Variants in DTWD2 observed in about 807,000 individuals in gnomAD.
The protein encoded by DTWD2 is DTW motif tRNA-uridine aminocarboxypropyltransferase 2, also known as tRNA-uridine aminocarboxypropyltransferase 2.
Under a neutral mutation model 31.8 loss-of-function variants are expected in DTWD2, and 39 were observed. The ratio of observed to expected loss-of-function variants is 1.22; its 90% CI spans 0.95 to 1.60. DTWD2 has a LOEUF of 1.60. Ranked by LOEUF, DTWD2 falls within the 40% of genes most tolerant of loss-of-function variation. DTWD2 has a pLI of 0.00. For missense variants in DTWD2, 515 were observed against 381.5 expected, an observed-to-expected ratio of 1.35 and a Z score of -2.92; for synonymous variants, 180 against 142.8, an observed-to-expected ratio of 1.26 and a Z score of -1.86.
chr5:118,851,865 A>G (rs1210629995), intron 4 of DTWD2, among the ~76,000 whole-genome samples: 2 of 151,948 alleles, frequency 1.3e-5, no homozygotes, highest in Non-Finnish European at 2.9e-5. Context: ...AAAAAAGAAA[A>G]CAGGGTTCAA....
In DTWD2 at chr5:118,838,410, AAAG is replaced by A. The variant is rs1751625437; in HGVS notation, c.*2504_*2506del. 1 of 152,222 alleles carries A rather than the reference AAAG, an allele frequency of 6.6e-6. No homozygotes were observed. Among genetic ancestry groups the A allele is most frequent in the African/African-American group, 2.4e-5 (1 of 41,472 alleles). The allele number at this position is 152,222 out of a possible 1,614,324, so 9.4% of individuals were successfully genotyped here. On this transcript the variant is annotated 3_prime_UTR_variant, in exon 6 of 6. Coordinates refer to ENST00000510708, the MANE Select transcript of DTWD2 (RefSeq NM_173666.4). ...CTTCCAGGAAAAATCAAGCAAATAT[AAAG>A]AATCTGAATTTAAAAGCCAACTAAT...
intron 4 of DTWD2, among the ~76,000 whole-genome samples, chr5:118,905,654 G>C (rs944397618): frequency 6.6e-6 from 1 of 151,932 alleles, no homozygotes; most frequent in East Asian, 1.9e-4. Flanking sequence ...AAAAGTGATC[G>C]CCCTGGTAAG....
Position 118,839,429 on chromosome 5 carries a change from C to T in DTWD2, c.*1488G>A, listed in dbSNP as rs1485098897. On this transcript the variant is annotated 3_prime_UTR_variant, in exon 6 of 6. Coordinates refer to ENST00000510708, the MANE Select transcript of DTWD2 (RefSeq NM_173666.4). Reference sequence around the variant, plus strand: ...GAGTGCAGTGGAATGAACATAGCTCCTTGCAACCTTGATGTCCTGGGCTCC... The same window carrying T: ...GAGTGCAGTGGAATGAACATAGCTCTTTGCAACCTTGATGTCCTGGGCTCC... 2.0e-5 allele frequency: 3 copies of T among 152,070 alleles called. No individual in the cohort carries two copies. Among genetic ancestry groups the T allele is most frequent in the Admixed American group, 2.0e-4 (3 of 15,250 alleles). The allele number at this position is 152,070 out of a possible 1,614,324, so 9.4% of individuals were successfully genotyped here.
chr5:118,868,530 C>T (rs751679322), intron 4 of DTWD2, among the ~76,000 whole-genome samples: 5 of 152,006 alleles, frequency 3.3e-5, no homozygotes, highest in Non-Finnish European at 7.4e-5. Context: ...AGGTTAATAT[C>T]CAGAACATAT....
intron 4 of DTWD2, among the ~76,000 whole-genome samples, chr5:118,912,636 A>C (rs1753482711): frequency 7.0e-6 from 1 of 143,546 alleles, no homozygotes; most frequent in South Asian, 2.1e-4. Context: ...ACTCAGAGCA[A>C]ATGTCAGCTC....
intron 1 of DTWD2, among the ~76,000 whole-genome samples, chr5:118,946,753 C>CA (rs1290715669): frequency 1.7e-4 from 25 of 149,592 alleles, no homozygotes; most frequent in Admixed American, 3.3e-4. Context: ...AACAAACAAA[C>CA]AAAAAAAAAC....
rs369571082 is a variant in DTWD2 at position 118,848,074 on chromosome 5, C to A, written c.726+16G>T. On this transcript the variant is annotated intron_variant, in intron 5 of 5. Coordinates refer to ENST00000510708, the MANE Select transcript of DTWD2 (RefSeq NM_173666.4). Reference sequence around the variant, plus strand: ...AAACTCCCACTTTGAAAAACTATAACCTTACAAAGACGTACCTCTTGTATG... The same window carrying A: ...AAACTCCCACTTTGAAAAACTATAAACTTACAAAGACGTACCTCTTGTATG... 8 of 1,524,462 alleles carry A rather than the reference C, an allele frequency of 5.2e-6. No individual in the cohort carries two copies. The highest frequency in any genetic ancestry group is 7.0e-6 in the Non-Finnish European group (8 of 1,141,932). The allele number at this position is 1,524,462 out of a possible 1,614,324, so 94.4% of individuals were successfully genotyped here. A position where few individuals can be genotyped will look rare whatever the true frequency, so the allele number is the denominator to read the frequency against.
At chr5:118,844,857 G>A (rs899121075) in intron 5 of DTWD2, among the ~76,000 whole-genome samples, 5 of 152,180 alleles carry the variant, frequency 3.3e-5, no homozygotes, top group Admixed American at 2.6e-4. Context: ...TTCTCTGGCA[G>A]GCACAGTAGC....
intron 4 of DTWD2, among the ~76,000 whole-genome samples, chr5:118,873,393 C>A (rs184693315): frequency 1.3e-5 from 2 of 152,200 alleles, no homozygotes; most frequent in Non-Finnish European, 2.9e-5. Context: ...TAAAGAGCAG[C>A]CTCCAGTGCC....
rs568388470 is a variant in DTWD2 at position 118,874,502 on chromosome 5, T to C, written c.598-26284A>G. On this transcript the variant is annotated intron_variant, in intron 4 of 5. Coordinates refer to ENST00000510708, the MANE Select transcript of DTWD2 (RefSeq NM_173666.4). ...GTGCTGATAGACAAAAGAGCCAATA[T>C]AGAGAAGACTGTAAGCAACATGATA... Among the ~76,000 whole-genome samples the C allele has an allele frequency of 1.8e-4, 28 of 152,200 alleles. No individual in the cohort carries two copies. The East Asian group carries it at 5.0e-3, about 27-fold the overall frequency.
chr5:118,919,538 G>C (rs1753654639), intron 4 of DTWD2, among the ~76,000 whole-genome samples: 4 of 152,230 alleles, frequency 2.6e-5, no homozygotes, highest in Non-Finnish European at 4.4e-5. Flanking sequence ...GAGGGGCCAA[G>C]TGTTCTATGC....
chr5:118,927,114 A>C (rs1245535250), intron 4 of DTWD2, among the ~76,000 whole-genome samples: 2 of 152,138 alleles, frequency 1.3e-5, no homozygotes, highest in Non-Finnish European at 2.9e-5. Flanking sequence ...GACAGAGAGC[A>C]AAAAGGAAGT....
rs900940016 is a variant in DTWD2, at chr5:118,939,275, G to A, written c.325C>T (p.Arg109Cys). 24 of 1,578,566 alleles carry A rather than the reference G, an allele frequency of 1.5e-5. No individual in the cohort carries two copies. Among genetic ancestry groups the A allele is most frequent in the Non-Finnish European group, 1.9e-5 (22 of 1,162,870 alleles). The change falls in exon 3 of 6, where the codon CGT (arginine) becomes TGT (cysteine). Residue 109 changes from arginine to cysteine, a missense_variant. Physicochemically the swap from Arg to Cys is radical, Grantham distance 180 (BLOSUM62 -3). Transcript: ENST00000510708. The part of the protein sequence containing the change: ...QHPAEENKVL[R>C]TVPLLAACLP... ...CATGCTGCTAGTAGAGGAACTGTACGCAACACTTTGTTTTCCTTTAATTAA... is the reference window on the plus strand; with the variant it reads ...CATGCTGCTAGTAGAGGAACTGTACACAACACTTTGTTTTCCTTTAATTAA...
chr5:118,886,739 G>T (rs942986071), intron 4 of DTWD2, among the ~76,000 whole-genome samples: 8 of 152,072 alleles, frequency 5.3e-5, no homozygotes, highest in African/African-American at 7.2e-5. Flanking sequence ...TTAAAAAGCT[G>T]AATGTTTCTA....
At chr5:118,892,202 T>A (rs1284887145) in intron 4 of DTWD2, among the ~76,000 whole-genome samples, 1 of 152,154 alleles carries the variant, frequency 6.6e-6, no homozygotes, top group Non-Finnish European at 1.5e-5. Flanking sequence ...ATATTTAATC[T>A]ATATTTAGAT....
chr5:118,887,005 T>C (rs187175273), intron 4 of DTWD2, among the ~76,000 whole-genome samples: 1 of 152,320 alleles, frequency 6.6e-6, no homozygotes. Context: ...TATTTTACAA[T>C]GTGTTGATCC....
chr5:118,857,874 G>A (rs1752174714), intron 4 of DTWD2, among the ~76,000 whole-genome samples: 1 of 152,140 alleles, frequency 6.6e-6, no homozygotes, highest in South Asian at 2.1e-4. Flanking sequence ...TTGAAAAGTG[G>A]TTGTGCAACT....
chr5:118,893,329 C>G (rs973567803), intron 4 of DTWD2, among the ~76,000 whole-genome samples: 1 of 139,694 alleles, frequency 7.2e-6, no homozygotes, highest in African/African-American at 2.8e-5. Context: ...CCACTGCACT[C>G]TAGCCTGGGC....
At chr5:118,910,024 A>T (rs1753422673) in intron 4 of DTWD2, among the ~76,000 whole-genome samples, 1 of 152,176 alleles carries the variant, frequency 6.6e-6, no homozygotes, top group South Asian at 2.1e-4. Flanking sequence ...GTCTTGGTGA[A>T]CAGCACCTGG....
Sources: allele counts gnomAD v4.1 joint callset (sites outside exome capture counted in the v4.1 genomes callset), GRCh38; gene constraint gnomAD v4.1.1; transcripts MANE v1.5; gene names NCBI Gene and HGNC (gene_info 2026-07-23, HGNC 2026-07-21).